INSYN2A: variants seen among roughly 807,000 people sequenced by gnomAD.
INSYN2A encodes family with sequence similarity 196 member A.
INSYN2A carries 17 observed loss-of-function variants against 39.4 expected under a neutral mutation model. That is an observed-to-expected ratio of 0.43 (90% CI 0.30 to 0.65). The LOEUF (loss-of-function observed/expected upper bound fraction) is 0.65. INSYN2A is among the 30% of genes least tolerant of loss of function. The pLI is 0.14. For synonymous variants in INSYN2A, 255 were observed against 265.7 expected, an observed-to-expected ratio of 0.96 and a Z score of 0.39; for missense variants, 595 against 631.2, an observed-to-expected ratio of 0.94 and a Z score of 0.61.
At chr10:127,195,646 C>T (rs938169103) in intron 1 of INSYN2A, among the ~76,000 whole-genome samples, 1 of 152,178 alleles carries the variant, frequency 6.6e-6, no homozygotes, top group Non-Finnish European at 1.5e-5. Context: ...TTTTGCCTGG[C>T]TAGGGCTGTC....
Position 127,175,512 on chromosome 10 carries a change from T to C in INSYN2A, c.884A>G (p.Asn295Ser), listed in dbSNP as rs779403804. 11 of 1,609,252 alleles carry C rather than the reference T, an allele frequency of 6.8e-6. No homozygotes were observed. In the South Asian group the frequency reaches 1.1e-4, roughly 16 times the overall value. Residue 295 changes from asparagine to serine, a missense_variant, in exon 4 of 6, where the codon AAC (asparagine) becomes AGC (serine). Asn to Ser is a conservative substitution (Grantham distance 46, BLOSUM62 1). Coordinates refer to ENST00000522781, the MANE Select transcript of INSYN2A (RefSeq NM_001039762.3). The surrounding 1 kb of genome is among the most constrained non-coding windows in gnomAD (Gnocchi z 6.3). ...DDERRRATHLNGLQAPSETAL... is the reference protein window; with the variant it reads ...DDERRRATHLSGLQAPSETAL... ...AGTTTCCGAGGGCGCCTGGAGCCCGTTGAGATGTGTGGCTCTCCTCCGCTC... is the reference window on the plus strand; with the variant it reads ...AGTTTCCGAGGGCGCCTGGAGCCCGCTGAGATGTGTGGCTCTCCTCCGCTC...
At position 127,193,027 on chromosome 10, in the gene INSYN2A, C is replaced by T. The variant is rs571022068; in HGVS notation, c.-394-297G>A. Among the ~76,000 whole-genome samples, 76 of 152,226 alleles carry T rather than the reference C, an allele frequency of 5.0e-4. 1 individual carries two copies. Among genetic ancestry groups the T allele is most frequent in the Non-Finnish European group, 7.6e-4 (52 of 68,018 alleles). On this transcript the variant is annotated intron_variant, in intron 1 of 5. Transcript: ENST00000522781. Reference sequence around the variant, plus strand: ...GAGAATTTCATGGTAATGAAAGTGTCGTCATGTAGTATCAATCATATTAAA... The same window carrying T: ...GAGAATTTCATGGTAATGAAAGTGTTGTCATGTAGTATCAATCATATTAAA...
rs1326283340 is a variant in INSYN2A at position 127,186,507 on chromosome 10, G to GCCCC, written c.-269+6094_-269+6097dup. ...TCATGATAACAGCATGGGAGAAACC[G>GCCCC]CCCCCCCGCCCCCCCCCGATCCAGT... On this transcript the variant is annotated intron_variant, in intron 2 of 5. Transcript: ENST00000522781. 5.1e-4 allele frequency among the ~76,000 whole-genome samples: 3 copies of GCCCC among 5,908 alleles called. 1 individual carries two copies. The highest frequency in any genetic ancestry group is 9.6e-4 in the African/African-American group (3 of 3,110). The allele number at this position is 5,908 out of a possible 152,430, so 3.9% of individuals were successfully genotyped here. A position where few individuals can be genotyped will look rare whatever the true frequency, so the allele number is the denominator to read the frequency against.
intron 4 of INSYN2A, among the ~76,000 whole-genome samples, chr10:127,156,250 C>T (rs1482285605): frequency 6.6e-6 from 1 of 152,264 alleles, no homozygotes; most frequent in South Asian, 2.1e-4. Context: ...ATTATGCTAG[C>T]CCCACTTACA....
chr10:127,141,469 G>A (rs1325179152), intron 5 of INSYN2A, among the ~76,000 whole-genome samples: 3 of 152,102 alleles, frequency 2.0e-5, no homozygotes, highest in Non-Finnish European at 4.4e-5. Flanking sequence ...TTGGGAGGCC[G>A]AGGTGGGCGG....
intron 1 of INSYN2A, among the ~76,000 whole-genome samples, chr10:127,194,877 C>T (rs913761413): frequency 5.4e-5 from 8 of 148,834 alleles, no homozygotes; most frequent in African/African-American, 1.5e-4. Flanking sequence ...AATTTCAGCG[C>T]CTAAGCAGAC....
At chr10:127,179,071 CA>C (rs547194588) in intron 2 of INSYN2A, among the ~76,000 whole-genome samples, 17 of 152,134 alleles carry the variant, frequency 1.1e-4, no homozygotes, top group Non-Finnish European at 2.1e-4. Context: ...AGCATTTTTA[CA>C]AAAAGCAATT....
chr10:127,195,617 C>T (rs1043964871), intron 1 of INSYN2A, among the ~76,000 whole-genome samples: 22 of 151,916 alleles, frequency 1.4e-4, no homozygotes, highest in African/African-American at 4.3e-4. Context: ...GGGGAGACGG[C>T]CGCCCCCAGA....
intron 4 of INSYN2A, among the ~76,000 whole-genome samples, chr10:127,156,117 GA>G (rs1275404296): frequency 2.0e-5 from 3 of 152,252 alleles, no homozygotes; most frequent in East Asian, 3.9e-4. Flanking sequence ...TAAGCTTATA[GA>G]ACCTTCCTGC....
At chr10:127,191,343 A>G (rs749176990) in intron 2 of INSYN2A, among the ~76,000 whole-genome samples, 1 of 152,154 alleles carries the variant, frequency 6.6e-6, no homozygotes, top group African/African-American at 2.4e-5. Flanking sequence ...TGCCTTGGCC[A>G]CTGCTGCAAC....
At chr10:127,148,349 C>T (rs1303691495) in intron 5 of INSYN2A, among the ~76,000 whole-genome samples, 1 of 152,176 alleles carries the variant, frequency 6.6e-6, no homozygotes, top group Non-Finnish European at 1.5e-5. Flanking sequence ...GGAATTCTAC[C>T]ACTTGACGAG....
At chr10:127,191,020 A>G (rs1254428021) in intron 2 of INSYN2A, among the ~76,000 whole-genome samples, 1 of 152,024 alleles carries the variant, frequency 6.6e-6, no homozygotes, top group Admixed American at 6.6e-5. Context: ...ACTCCAGACT[A>G]TGCCTCCACT....
At chr10:127,167,524 A>G (rs914763613) in intron 4 of INSYN2A, among the ~76,000 whole-genome samples, 2 of 151,948 alleles carry the variant, frequency 1.3e-5, no homozygotes, top group African/African-American at 4.8e-5. Flanking sequence ...CGAAACTTTT[A>G]TGAATATTAT....
At position 127,141,331 on chromosome 10, in the gene INSYN2A, G is replaced by T. The variant is rs1328857583; in HGVS notation, c.1257-3311C>A. Among the ~76,000 whole-genome samples, 3 of 152,312 alleles carry T rather than the reference G, an allele frequency of 2.0e-5. No homozygotes were observed. In the East Asian group the frequency reaches 5.8e-4, roughly 29 times the overall value. ...TGCGGTCATCCTCTTTCTGTTTCCAGCAACTATAGCAGGGGCTGGGTCCTA... is the reference window on the plus strand; with the variant it reads ...TGCGGTCATCCTCTTTCTGTTTCCATCAACTATAGCAGGGGCTGGGTCCTA... On this transcript the variant is annotated intron_variant, in intron 5 of 5. Transcript: ENST00000522781.
intron 4 of INSYN2A, among the ~76,000 whole-genome samples, chr10:127,165,471 GA>G (rs888967997): frequency 3.3e-5 from 5 of 152,152 alleles, no homozygotes; most frequent in Non-Finnish European, 7.4e-5. Context: ...CATACTGATA[GA>G]AAAAACTTTA....
intron 2 of INSYN2A, among the ~76,000 whole-genome samples, chr10:127,180,288 T>A (rs1285353709): frequency 2.0e-5 from 3 of 152,206 alleles, no homozygotes; most frequent in Non-Finnish European, 4.4e-5. Context: ...GGACTGAGCA[T>A]GAAGCTGCAA....
In INSYN2A at chr10:127,137,758, C is replaced by T. The variant is rs1298332059; in HGVS notation, c.*79G>A. Reference sequence around the variant, plus strand: ...GAATGGGCACCACAGTTCCCTCGATCCTATTCATTTTGGAAAAGTATTGAC... The same window carrying T: ...GAATGGGCACCACAGTTCCCTCGATTCTATTCATTTTGGAAAAGTATTGAC... On this transcript the variant is annotated 3_prime_UTR_variant, in exon 6 of 6. Transcript: ENST00000522781. The T allele has an allele frequency of 2.2e-6, 3 of 1,367,128 alleles. No individual in the cohort carries two copies. Among genetic ancestry groups the T allele is most frequent in the African/African-American group, 2.9e-5 (2 of 68,694 alleles). 84.7% of individuals were successfully genotyped at this position (1,367,128 alleles called of 1,614,324 possible). A position where few individuals can be genotyped will look rare whatever the true frequency, so the allele number is the denominator to read the frequency against.
intron 5 of INSYN2A, among the ~76,000 whole-genome samples, chr10:127,141,302 G>C (rs1354637873): frequency 1.3e-5 from 2 of 152,218 alleles, no homozygotes; most frequent in African/African-American, 4.8e-5. Context: ...AATCAGAGAT[G>C]CCATGCGGTC....
intron 5 of INSYN2A, among the ~76,000 whole-genome samples, chr10:127,139,896 A>G (rs902680442): frequency 1.5e-4 from 23 of 152,312 alleles, no homozygotes; most frequent in African/African-American, 5.3e-4. Flanking sequence ...ATTGATCACT[A>G]ATCTTATAAT....
Sources: allele counts gnomAD v4.1 joint callset (sites outside exome capture counted in the v4.1 genomes callset), GRCh38; gene constraint gnomAD v4.1.1; non-coding constraint Gnocchi (gnomAD v3.1); transcripts MANE v1.5; gene names NCBI Gene and HGNC (gene_info 2026-07-23, HGNC 2026-07-21).